The following MLLT3 variants were observed in gnomAD, a reference collection of about 807,000 sequenced individuals.
MLLT3 encodes the protein MLLT3 super elongation complex subunit, also known as protein AF-9.
A neutral mutation model predicts 53.2 loss-of-function variants in MLLT3; 4 were observed. That is an observed-to-expected ratio of 0.08 (90% confidence interval 0.04 to 0.17). The LOEUF (loss-of-function observed/expected upper bound fraction) is 0.17. Among genes scored for constraint, MLLT3 ranks in the 10% least tolerant of loss-of-function variants. The probability of loss-of-function intolerance (pLI) is 1.00; values close to 1 mark genes in which losing one functional copy is unlikely to be tolerated. For missense variants in MLLT3, 569 were observed against 684.0 expected (o/e 0.83, Z 1.87); for synonymous variants, 283 against 230.6 (o/e 1.23, Z -2.06).
chr9:20,380,989 G>A (rs1821895512), intron 5 of MLLT3, among the ~76,000 whole-genome samples: 1 of 151,940 alleles, frequency 6.6e-6, no homozygotes, highest in Non-Finnish European at 1.5e-5. Context: ...GGAGGAAGGG[G>A]AGAGACTAGC....
intron 8 of MLLT3, among the ~76,000 whole-genome samples, chr9:20,355,427 T>A (rs531266133): frequency 2.6e-5 from 4 of 152,244 alleles, no homozygotes; most frequent in Admixed American, 6.5e-5. Context: ...TTTTAAGAAA[T>A]GATGTGTTTA....
rs996702644 is a variant in MLLT3 at position 20,553,710 on chromosome 9, T to C, written c.193+66944A>G. 3.9e-5 allele frequency among the ~76,000 whole-genome samples: 6 copies of C among 152,334 alleles called. 1 individual carries two copies. The highest frequency in any genetic ancestry group is 4.1e-4 in the South Asian group (2 of 4,828). ...AGGCTGGTCAAATTACTTGACCTTT[T>C]AGACATTCTTATCTTACAGATCTAG... is the stretch of plus-strand genomic sequence containing the variant. On this transcript the variant is annotated intron_variant, in intron 2 of 10. Coordinates refer to ENST00000380338, the MANE Select transcript of MLLT3 (RefSeq NM_004529.4).
intron 4 of MLLT3, among the ~76,000 whole-genome samples, chr9:20,428,682 C>T (rs1823194105): frequency 6.6e-6 from 1 of 151,870 alleles, no homozygotes; most frequent in Admixed American, 6.6e-5. Context: ...CCTAATAAAA[C>T]AGTCAACAAA....
chr9:20,355,887 C>G (rs7858673), intron 8 of MLLT3, among the ~76,000 whole-genome samples: 42,885 of 152,130 alleles, frequency 0.28, 11,239 homozygotes, highest in African/African-American at 0.66. Flanking sequence ...CTTAGTAACA[C>G]TTCTGTCCAC....
intron 2 of MLLT3, among the ~76,000 whole-genome samples, chr9:20,547,766 C>T (rs745780236): frequency 1.3e-3 from 193 of 151,688 alleles, no homozygotes; most frequent in Non-Finnish European, 9.3e-4. Context: ...GCCTGGGCAA[C>T]AGAACAATAA....
At chr9:20,591,216 TG>T (rs527547645) in intron 2 of MLLT3, among the ~76,000 whole-genome samples, 14 of 152,322 alleles carry the variant, frequency 9.2e-5, no homozygotes, top group African/African-American at 3.4e-4. Flanking sequence ...TCTAGTTTAC[TG>T]GGGGCCTGAC....
chr9:20,506,181 A>G (rs1049745350), intron 2 of MLLT3, among the ~76,000 whole-genome samples: 3 of 151,934 alleles, frequency 2.0e-5, no homozygotes, highest in Non-Finnish European at 2.9e-5. Context: ...CAGTCCCCCA[A>G]GTAGTTGGGA....
At chr9:20,374,492 GC>G (rs1391146545) in intron 5 of MLLT3, among the ~76,000 whole-genome samples, 1 of 152,164 alleles carries the variant, frequency 6.6e-6, no homozygotes, top group Non-Finnish European at 1.5e-5. Context: ...TATTGAGATA[GC>G]TATGCCAATA....
At chr9:20,486,119 A>ATGATAAACATTTT (rs2118913652) in intron 2 of MLLT3, among the ~76,000 whole-genome samples, 1 of 152,288 alleles carries the variant, frequency 6.6e-6, no homozygotes, top group East Asian at 1.9e-4. Context: ...TGTCAGTCAC[A>ATGATAAACATTTT]TGATAAACAT....
chr9:20,484,336 T>C (rs1237838531), intron 2 of MLLT3, among the ~76,000 whole-genome samples: 1 of 152,298 alleles, frequency 6.6e-6, no homozygotes, highest in Admixed American at 6.5e-5. Flanking sequence ...CTCTCCAGCT[T>C]ATTCTTTTAA....
chr9:20,481,929 G>A (rs1036455456), intron 2 of MLLT3, among the ~76,000 whole-genome samples: 1 of 152,206 alleles, frequency 6.6e-6, no homozygotes, highest in Admixed American at 6.5e-5. Flanking sequence ...CTAGTGGTCA[G>A]CTGGGTAGTA....
In MLLT3 at chr9:20,620,673, G is replaced by A; in HGVS notation, c.174C>T (p.Ser58=). The change falls in exon 2 of 11, where the codon AGC becomes AGT. Residue 58 remains serine (S), a synonymous_variant. Transcript: ENST00000380338. This position sits in a 1 kb window ranked among gnomAD's most constrained non-coding sequence, Gnocchi z 6.1. ...CCCTACCTCTTTTTGGCCTAGGAAA[G>A]CTTTCGTGCAAGTGGAAGACGACTT... ...VEKVVFHLHE[S]FPRPKRVCKD... is the part of the protein sequence containing the mutation. 2 of 1,613,828 alleles carry A rather than the reference G, an allele frequency of 1.2e-6. No homozygotes were observed. The highest frequency in any genetic ancestry group is 1.7e-6 in the Non-Finnish European group (2 of 1,179,888).
At chr9:20,459,588 A>G (rs566098281) in intron 2 of MLLT3, among the ~76,000 whole-genome samples, 1 of 152,342 alleles carries the variant, frequency 6.6e-6, no homozygotes, top group Non-Finnish European at 1.5e-5. Context: ...GCTGCTGCAC[A>G]TGCCAGAGAA....
At chr9:20,428,371 T>G (rs985268920) in intron 4 of MLLT3, among the ~76,000 whole-genome samples, 2 of 151,996 alleles carry the variant, frequency 1.3e-5, no homozygotes, top group South Asian at 4.1e-4. Flanking sequence ...AAGAAGACAT[T>G]ATGGTAATAT....
At chr9:20,566,346 C>A (rs570634143) in intron 2 of MLLT3, among the ~76,000 whole-genome samples, 3 of 151,898 alleles carry the variant, frequency 2.0e-5, no homozygotes, top group African/African-American at 7.2e-5. Context: ...TGCCCCCTAA[C>A]AAAATAAACA....
In MLLT3 at chr9:20,363,609, A is replaced by G. The variant is rs776224269; in HGVS notation, c.1202-4T>C. ...TTCATTATAGACCTCAAAGGACCTG[A>G]GTAATGACAATGAACCACAGGCAAT... is the stretch of plus-strand genomic sequence containing the variant. On this transcript the variant is annotated splice_region_variant and splice_polypyrimidine_tract_variant and intron_variant, in intron 6 of 10. Coordinates refer to ENST00000380338, the MANE Select transcript of MLLT3 (RefSeq NM_004529.4). The G allele has an allele frequency of 6.2e-7, 1 of 1,613,128 alleles. No homozygotes were observed. Among genetic ancestry groups the G allele is most frequent in the South Asian group, 1.1e-5 (1 of 90,994 alleles).
chr9:20,491,094 G>A (rs1013721383), intron 2 of MLLT3, among the ~76,000 whole-genome samples: 7 of 152,066 alleles, frequency 4.6e-5, no homozygotes, highest in African/African-American at 9.7e-5. Context: ...GTCCTTAAGT[G>A]ACGTTAATAT....
chr9:20,372,444 C>G lies in MLLT3; in HGVS notation c.1126-6700G>C, dbSNP rs550400610. ...ACGGAGTCTCACTCTGTCACAAAGG[C>G]TGGAGTGCAGTGGCACCATCTCGGC... On this transcript the variant is annotated intron_variant, in intron 5 of 10. Transcript: ENST00000380338. 3.2e-4 allele frequency among the ~76,000 whole-genome samples: 49 copies of G among 152,092 alleles called. No individual in the cohort carries two copies. The South Asian group carries it at 8.7e-3, about 27-fold the overall frequency.
chr9:20,420,703 T>C (rs1822987476), intron 4 of MLLT3, among the ~76,000 whole-genome samples: 1 of 150,136 alleles, frequency 6.7e-6, no homozygotes, highest in Non-Finnish European at 1.5e-5. Flanking sequence ...TTCTATCTCG[T>C]TTTTTTTTAT....
Sources: gnomAD v4.1 joint callset for allele counts (sites outside exome capture counted in the v4.1 genomes callset) on GRCh38, gnomAD v4.1.1 for gene constraint, Gnocchi (gnomAD v3.1) non-coding constraint, MANE v1.5 for transcripts, NCBI Gene and HGNC (gene_info 2026-07-23, HGNC 2026-07-21) for gene names.